MICAL2: variants seen among roughly 807,000 people sequenced by gnomAD.
MICAL2 encodes the protein [F-actin]-monooxygenase MICAL2.
Under a neutral mutation model 127.3 loss-of-function variants are expected in MICAL2, and 77 were observed. That is an observed-to-expected ratio of 0.60 (90% CI 0.50 to 0.73). The LOEUF (loss-of-function observed/expected upper bound fraction) is 0.73, where lower values mean the gene tolerates loss of function less well. MICAL2 is among the 30% of genes least tolerant of loss of function. The pLI is 0.00. For missense variants in MICAL2, 1,351 were observed against 1,434.4 expected, an observed-to-expected ratio of 0.94 and a Z score of 0.94; for synonymous variants, 570 against 551.1, an observed-to-expected ratio of 1.03 and a Z score of -0.48.
At chr11:12,150,294 C>G (rs960856152) in intron 2 of MICAL2, among the ~76,000 whole-genome samples, 9 of 151,986 alleles carry the variant, frequency 5.9e-5, no homozygotes, top group African/African-American at 2.2e-4. Context: ...TTTTTCTAAG[C>G]GTGTTTGAGA....
intron 33 of MICAL2, among the ~76,000 whole-genome samples, chr11:12,353,088 A>G (rs1939077760): frequency 1.3e-5 from 2 of 152,220 alleles, no homozygotes. Flanking sequence ...TTCAGGGTTG[A>G]TAACAAGAAG....
chr11:12,313,961 A>ATTTTTTTTTTTT (rs60681621), intron 29 of MICAL2, among the ~76,000 whole-genome samples: 8 of 43,790 alleles, frequency 1.8e-4, no homozygotes, highest in African/African-American at 2.8e-4. Context: ...TCTTGGTCTG[A>ATTTTTTTTTTTT]TTTTTTTTTT....
At chr11:12,183,213 G>A (rs1429616775) in intron 3 of MICAL2, among the ~76,000 whole-genome samples, 1 of 151,404 alleles carries the variant, frequency 6.6e-6, no homozygotes, top group Non-Finnish European at 1.5e-5. Flanking sequence ...AAGTTTTGTG[G>A]TCACTGGGTT....
chr11:12,358,244 TG>T, intron 34 of MICAL2: 4 of 1,567,434 alleles, frequency 2.6e-6, no homozygotes, highest in Non-Finnish European at 2.6e-6. Flanking sequence ...CCAAGAACTC[TG>T]CCGGGGCCCA....
At chr11:12,127,803 G>A (rs976280065) in intron 1 of MICAL2, among the ~76,000 whole-genome samples, 1 of 152,106 alleles carries the variant, frequency 6.6e-6, no homozygotes, top group Non-Finnish European at 1.5e-5. Context: ...ATTGGCGGCT[G>A]AGACAGGGGA....
rs115628637 is a variant in MICAL2 at position 12,258,974 on chromosome 11, C to A, written c.3231+418C>A. ...AAGTCCTCTCCCAGGCTCTCGAAGT[C>A]AACAAAGTGACCAGCCCACTGAATT... On this transcript the variant is annotated intron_variant, in intron 25 of 27. Coordinates refer to ENST00000683283, the MANE Select transcript of MICAL2 (RefSeq NM_001282663.2). Among the ~76,000 whole-genome samples, 353 of 152,392 alleles carry A rather than the reference C, an allele frequency of 2.3e-3. 2 individuals are homozygous for A. Among genetic ancestry groups the A allele is most frequent in the African/African-American group, 8.1e-3 (335 of 41,590 alleles).
In MICAL2 at chr11:12,241,046, C is replaced by T. The variant is rs369706521; in HGVS notation, c.2221C>T (p.Arg741Cys). Residue 741 changes from arginine to cysteine, a missense_variant, in exon 18 of 28, where the codon CGT becomes TGT. This residue lies in a region of MICAL2 where 752 missense variants were observed against 719.4 expected (regional missense o/e 1.05). Coordinates refer to ENST00000683283, the MANE Select transcript of MICAL2 (RefSeq NM_001282663.2). ...RNPSLMKQER[R>C]VSGIGKPVLC... ...CTCGCCTTTCTTCTCCCAGGAACGC[C>T]GTGTCTCAGGGATAGGTAAGCCGGT... The T allele has an allele frequency of 6.7e-5, 108 of 1,613,888 alleles. No individual in the cohort carries two copies. The highest frequency in any genetic ancestry group is 6.2e-4 in the South Asian group (56 of 91,018).
chr11:12,293,850 G>T, downstream of MICAL2: 1 of 1,608,172 alleles, frequency 6.2e-7, no homozygotes, highest in Admixed American at 1.7e-5. Flanking sequence ...AAGGACAGGA[G>T]CTGGACAGGG....
At chr11:12,153,928 G>T (rs1372541879) in intron 2 of MICAL2, among the ~76,000 whole-genome samples, 2 of 152,192 alleles carry the variant, frequency 1.3e-5, no homozygotes, top group Non-Finnish European at 2.9e-5. Flanking sequence ...CTCTGCATGT[G>T]GGGTAAGATG....
chr11:12,276,077 G>A (rs1590717832), upstream of MICAL2: 7 of 399,230 alleles, frequency 1.8e-5, no homozygotes, highest in East Asian at 1.8e-4. Flanking sequence ...TGCCCTCCGA[G>A]TGGACCTCAG....
Position 12,259,910 on chromosome 11 carries a change from C to T in MICAL2, c.3334+13C>T. 6.2e-7 allele frequency: 1 copy of T among 1,612,908 alleles called. No individual in the cohort carries two copies. The highest frequency in any genetic ancestry group is 1.3e-5 in the African/African-American group (1 of 75,006). On this transcript the variant is annotated intron_variant, in intron 26 of 27. Coordinates refer to ENST00000683283, the MANE Select transcript of MICAL2 (RefSeq NM_001282663.2). ...GGCAGCCCCCCAGGTATCTCCACCT[C>T]CTTCTTTAGGAAGGTGCTGGGCTGG...
At chr11:12,289,433 A>G (rs1381837555), downstream of MICAL2, among the ~76,000 whole-genome samples, 1 of 152,174 alleles carries the variant, frequency 6.6e-6, no homozygotes, top group Non-Finnish European at 1.5e-5. Context: ...GGAATGGGCC[A>G]GGGCTTCAGC....
chr11:12,174,351 C>CTCCCCA (rs1856600972), intron 3 of MICAL2, among the ~76,000 whole-genome samples: 1 of 151,158 alleles, frequency 6.6e-6, no homozygotes, highest in Admixed American at 6.6e-5. Flanking sequence ...CTCCCCTCTC[C>CTCCCCA]TCCCCACCCC....
chr11:12,188,317 A>T (rs1010859431), intron 3 of MICAL2, among the ~76,000 whole-genome samples: 3 of 152,228 alleles, frequency 2.0e-5, no homozygotes, highest in Admixed American at 2.0e-4. Context: ...GGCTATCAGA[A>T]AATTTAAAAT....
At chr11:12,224,851 G>A (rs573484186) in intron 13 of MICAL2, 31 bp downstream of exon 13, 1 of 1,590,442 alleles carries the variant, frequency 6.3e-7, no homozygotes, top group South Asian at 1.1e-5. Flanking sequence ...GGCCCCTGGA[G>A]ACGAGGGATG....
At chr11:12,303,807 G>A (rs1359283531) in intron 29 of MICAL2, 2 of 152,156 alleles carry the variant, frequency 1.3e-5, no homozygotes, top group Admixed American at 6.6e-5. Flanking sequence ...AGAGGCTGAG[G>A]AAGAGGATTG....
intron 29 of MICAL2, among the ~76,000 whole-genome samples, chr11:12,311,379 TG>T (rs1439202227): frequency 1.1e-4 from 16 of 151,920 alleles, no homozygotes; most frequent in African/African-American, 3.9e-4. Context: ...TCTTTTTTTT[TG>T]GTTGGTGTTG....
chr11:12,238,022 G>A (rs1041794175), intron 16 of MICAL2, among the ~76,000 whole-genome samples: 1 of 152,166 alleles, frequency 6.6e-6, no homozygotes, highest in Non-Finnish European at 1.5e-5. Context: ...ATGCCTCTTC[G>A]GTTTGTGTTC....
chr11:12,324,347 A>G (rs1864333111), intron 31 of MICAL2, among the ~76,000 whole-genome samples: 1 of 152,204 alleles, frequency 6.6e-6, no homozygotes, highest in South Asian at 2.1e-4. Flanking sequence ...GAGCCAACGC[A>G]TGGCCTTGGG....
Sources: allele counts gnomAD v4.1 joint callset (sites outside exome capture counted in the v4.1 genomes callset), GRCh38; gene constraint gnomAD v4.1.1; regional missense constraint gnomAD v4.1.1; transcripts MANE v1.5; gene names NCBI Gene and HGNC (gene_info 2026-07-23, HGNC 2026-07-21).